ZFHX3: variants seen among roughly 807,000 people sequenced by gnomAD.
The protein encoded by ZFHX3 is zinc finger homeobox 3.
ZFHX3 carries 42 observed loss-of-function variants against 279.1 expected under a neutral mutation model. The observed-to-expected ratio is 0.15, with a 90% CI of 0.12 to 0.19. ZFHX3 has a LOEUF of 0.19. Ranked by LOEUF, ZFHX3 falls within the 10% of genes least tolerant of loss-of-function variation. The probability of loss-of-function intolerance (pLI) is 1.00; values close to 1 mark genes in which losing one functional copy is unlikely to be tolerated. For synonymous variants in ZFHX3, 2,293 were observed against 1,957.8 expected (o/e 1.17, Z -4.52); for missense variants, 4,981 against 4,754.0 (o/e 1.05, Z -1.40).
intron 1 of ZFHX3, among the ~76,000 whole-genome samples, chr16:73,750,399 G>A (rs2053751133): frequency 6.6e-6 from 1 of 152,208 alleles, no homozygotes; most frequent in African/African-American, 2.4e-5. Context: ...CTATTATCAT[G>A]ATAATCGCAT....
intron 2 of ZFHX3, among the ~76,000 whole-genome samples, chr16:73,510,274 C>G (rs1156589083): frequency 6.6e-6 from 1 of 152,074 alleles, no homozygotes; most frequent in African/African-American, 2.4e-5. Flanking sequence ...TGTCTTTTGC[C>G]TCACTAGAAT....
intron 5 of ZFHX3, among the ~76,000 whole-genome samples, chr16:73,153,581 C>T (rs1009350092): frequency 6.6e-6 from 1 of 152,176 alleles, no homozygotes; most frequent in Non-Finnish European, 1.5e-5. Flanking sequence ...CTCTGGTCAC[C>T]ATTACGGGCT....
At chr16:73,174,367 A>T (rs1248462481) in intron 5 of ZFHX3, among the ~76,000 whole-genome samples, 2 of 152,222 alleles carry the variant, frequency 1.3e-5, no homozygotes, top group Non-Finnish European at 2.9e-5. Context: ...TTTAAGTTTT[A>T]TATTGACAGC....
At chr16:72,882,974 T>TGGGG (rs772424116) in intron 4 of ZFHX3, among the ~76,000 whole-genome samples, 1 of 118,384 alleles carries the variant, frequency 8.4e-6, no homozygotes, top group Non-Finnish European at 1.7e-5. Flanking sequence ...CACACCACTC[T>TGGGG]GGGGTGTGTG....
chr16:73,662,677 A>G (rs2142176761), intron 2 of ZFHX3, among the ~76,000 whole-genome samples: 1 of 152,354 alleles, frequency 6.6e-6, no homozygotes, highest in South Asian at 2.1e-4. Context: ...AGAATTCACA[A>G]AAAGGGGTCA....
In ZFHX3 at chr16:72,787,238, C is replaced by G. The variant is rs1421807475; in HGVS notation, c.11038G>C (p.Glu3680Gln). 2 of 1,613,968 alleles carry G rather than the reference C, an allele frequency of 1.2e-6. No homozygotes were observed. The highest frequency in any genetic ancestry group is 1.7e-6 in the Non-Finnish European group (2 of 1,180,018). The change falls in exon 10 of 10, where the codon GAG (glutamate) becomes CAG (glutamine). Residue 3680 changes from glutamate to glutamine, a missense_variant. This residue lies in a region of ZFHX3 where 1,034 missense variants were observed against 786.0 expected (regional missense o/e 1.32). Coordinates refer to ENST00000268489, the MANE Select transcript of ZFHX3 (RefSeq NM_006885.4). ...GGGCAGCTGGGGTCTTTGGGACCCTCCACCGGGCTCGCCGGTCCGTCGGAC... is the reference window on the plus strand; with the variant it reads ...GGGCAGCTGGGGTCTTTGGGACCCTGCACCGGGCTCGCCGGTCCGTCGGAC... ...QKSDGPASPV[E>Q]GPKDPSCPKD...
At chr16:73,261,258 T>A (rs2013816037) in intron 4 of ZFHX3, among the ~76,000 whole-genome samples, 1 of 152,194 alleles carries the variant, frequency 6.6e-6, no homozygotes, top group Non-Finnish European at 1.5e-5. Context: ...TTGTGTCTAG[T>A]GTGTTACCAT....
chr16:73,738,812 C>T (rs916362202), intron 1 of ZFHX3, among the ~76,000 whole-genome samples: 4 of 152,188 alleles, frequency 2.6e-5, no homozygotes, highest in African/African-American at 9.6e-5. Context: ...CAGGCTGTTT[C>T]CCGGGCTTCC....
intron 4 of ZFHX3, among the ~76,000 whole-genome samples, chr16:72,834,813 A>G (rs1358804711): frequency 6.6e-6 from 1 of 152,192 alleles, no homozygotes; most frequent in Non-Finnish European, 1.5e-5. Flanking sequence ...TAAAAAAGAA[A>G]AAAAAAAAGG....
At chr16:73,024,783 C>T (rs554507555) in intron 1 of ZFHX3, among the ~76,000 whole-genome samples, 1 of 152,244 alleles carries the variant, frequency 6.6e-6, no homozygotes, top group East Asian at 1.9e-4. Context: ...ATCAAGCAGC[C>T]AGACACTTTG....
intron 2 of ZFHX3, among the ~76,000 whole-genome samples, chr16:73,513,448 T>C (rs2019466979): frequency 6.6e-6 from 1 of 152,108 alleles, no homozygotes; most frequent in Non-Finnish European, 1.5e-5. Flanking sequence ...TGTCCCAAGG[T>C]AGGAGCATTT....
Position 73,093,205 on chromosome 16 carries a change from T to A in ZFHX3, c.-533+30A>T, listed in dbSNP as rs765792726. ...GGGAAACTCTGGACGACCACGCGCA[T>A]GCAGAGGTAAGGGAATGATCCGGTC... On this transcript the variant is annotated intron_variant, in intron 8 of 17. Coordinates refer to the ZFHX3 transcript ENST00000641206. The A allele has an allele frequency of 7.7e-6, 4 of 519,736 alleles. No homozygotes were observed. In the Admixed American group the frequency reaches 7.8e-5, roughly 10 times the overall value. 32.2% of individuals were successfully genotyped at this position (519,736 alleles called of 1,614,324 possible).
chr16:73,028,717 G>T (rs1050054759), intron 1 of ZFHX3, among the ~76,000 whole-genome samples: 1 of 152,158 alleles, frequency 6.6e-6, no homozygotes, highest in Non-Finnish European at 1.5e-5. Context: ...TTGCTTCTCC[G>T]GGCCCATCCC....
At chr16:73,339,473 C>T (rs1254519605) in intron 3 of ZFHX3, among the ~76,000 whole-genome samples, 1 of 152,206 alleles carries the variant, frequency 6.6e-6, no homozygotes, top group Non-Finnish European at 1.5e-5. Flanking sequence ...TTGTTCCAAG[C>T]ATGTAACCTT....
chr16:72,834,189 A>G lies in ZFHX3; in HGVS notation c.3449-4330T>C, dbSNP rs1486398366. On this transcript the variant is annotated intron_variant, in intron 4 of 9. Coordinates refer to ENST00000268489, the MANE Select transcript of ZFHX3 (RefSeq NM_006885.4). Reference sequence around the variant, plus strand: ...CTTGAGCCCAGGCAGTTGAGGCTGCAGTGAGCCATGACTGCATCACTGCAC... The same window carrying G: ...CTTGAGCCCAGGCAGTTGAGGCTGCGGTGAGCCATGACTGCATCACTGCAC... 2.6e-5 allele frequency among the ~76,000 whole-genome samples: 4 copies of G among 152,222 alleles called. No individual in the cohort carries two copies. In the East Asian group the frequency reaches 7.7e-4, roughly 29 times the overall value.
Position 73,890,002 on chromosome 16 carries a change from A to T in ZFHX3, c.-1608+1649T>A, listed in dbSNP as rs184325863. 5.3e-5 allele frequency among the ~76,000 whole-genome samples: 8 copies of T among 152,272 alleles called. No individual in the cohort carries two copies. In the East Asian group the frequency reaches 1.5e-3, roughly 29 times the overall value. ...ATGTTCTGTGGATTCTTAAGTGCTC[A>T]TTTATATCATCAGGGTTATTGCACA... On this transcript the variant is annotated intron_variant, in intron 1 of 17. Transcript: ENST00000641206.
At chr16:72,843,957 A>T (rs2037413599) in intron 4 of ZFHX3, among the ~76,000 whole-genome samples, 1 of 152,064 alleles carries the variant, frequency 6.6e-6, no homozygotes, top group African/African-American at 2.4e-5. Context: ...CCCCAAATAA[A>T]AGCATCACAT....
chr16:73,750,561 T>C (rs1310181790), intron 1 of ZFHX3, among the ~76,000 whole-genome samples: 1 of 152,076 alleles, frequency 6.6e-6, no homozygotes, highest in African/African-American at 2.4e-5. Context: ...TGGGGATGAA[T>C]AAACTTTAAG....
At chr16:73,322,758 G>A (rs1274670952) in intron 3 of ZFHX3, among the ~76,000 whole-genome samples, 1 of 152,218 alleles carries the variant, frequency 6.6e-6, no homozygotes, top group Non-Finnish European at 1.5e-5. Flanking sequence ...GCCCACTAAT[G>A]TGTATAAAAT....
Sources: gnomAD v4.1 joint callset for allele counts (sites outside exome capture counted in the v4.1 genomes callset) on GRCh38, gnomAD v4.1.1 for gene constraint, gnomAD v4.1.1 regional missense constraint, MANE v1.5 for transcripts, NCBI Gene and HGNC (gene_info 2026-07-23, HGNC 2026-07-21) for gene names.